ASXL2: variants seen among roughly 807,000 people sequenced by gnomAD.
ASXL2 encodes ASXL transcriptional regulator 2.
Under a neutral mutation model 122.0 loss-of-function variants are expected in ASXL2, and 23 were observed. The observed-to-expected ratio is 0.19, with a 90% CI of 0.14 to 0.27. The LOEUF (loss-of-function observed/expected upper bound fraction) is 0.27, where lower values mean the gene tolerates loss of function less well. Ranked by LOEUF, ASXL2 falls within the 10% of genes least tolerant of loss-of-function variation. The pLI, the probability that ASXL2 is intolerant of heterozygous loss-of-function variation, is 1.00. For synonymous variants in ASXL2, 650 were observed against 637.0 expected, an observed-to-expected ratio of 1.02 and a Z score of -0.31; for missense variants, 1,518 against 1,713.8, an observed-to-expected ratio of 0.89 and a Z score of 2.02.
In ASXL2 at chr2:25,878,178, C is replaced by T. The variant is rs1179292295; in HGVS notation, c.45G>A (p.Glu15=). 6.2e-7 allele frequency: 1 copy of T among 1,613,836 alleles called. No homozygotes were observed. The highest frequency in any genetic ancestry group is 1.1e-5 in the South Asian group (1 of 91,090). The change falls in exon 1 of 13, where the codon GAG becomes GAA. Residue 15 remains glutamate, a synonymous_variant. Transcript: ENST00000435504. ...CCCTCCCCCTTACCGTCTTGGCGGC[C>T]TCCGCCCAGGTCCTGCCCTTCTTCC... The part of the protein sequence containing the change: ...GRRKKGRTWA[E]AAKTVLEKYP...
chr2:25,809,243 G>A (rs2089129846), intron 3 of ASXL2, among the ~76,000 whole-genome samples: 1 of 151,424 alleles, frequency 6.6e-6, no homozygotes, highest in Non-Finnish European at 1.5e-5. Flanking sequence ...GGCAGAGTTG[G>A]GACAAAAATT....
chr2:25,786,563 T>C (rs1289083706), intron 5 of ASXL2, among the ~76,000 whole-genome samples: 1 of 151,920 alleles, frequency 6.6e-6, no homozygotes, highest in African/African-American at 2.4e-5. Flanking sequence ...AACATTATAA[T>C]ATTAAAAGGC....
At chr2:25,784,438 A>T (rs1454387982) in intron 5 of ASXL2, among the ~76,000 whole-genome samples, 1 of 152,198 alleles carries the variant, frequency 6.6e-6, no homozygotes, top group South Asian at 2.1e-4. Flanking sequence ...TACTGAATAC[A>T]TTGTATAATG....
At chr2:25,846,592 G>A (rs1433727289) in intron 1 of ASXL2, among the ~76,000 whole-genome samples, 1 of 152,000 alleles carries the variant, frequency 6.6e-6, no homozygotes, top group African/African-American at 2.4e-5. Context: ...AGGTTGCAGT[G>A]AGCTGGGATC....
chr2:25,815,826 G>A (rs993801082), intron 3 of ASXL2, among the ~76,000 whole-genome samples: 5 of 152,058 alleles, frequency 3.3e-5, no homozygotes, highest in Admixed American at 2.6e-4. Context: ...AGTTTACATC[G>A]TGTTTCCTGT....
intron 3 of ASXL2, chr2:25,822,503 G>A: frequency 4.1e-6 from 2 of 482,530 alleles, no homozygotes; most frequent in South Asian, 1.9e-5. Flanking sequence ...TACTATCGAA[G>A]GGACTATGTC....
intron 5 of ASXL2, among the ~76,000 whole-genome samples, chr2:25,781,186 C>T (rs777696843): frequency 6.6e-6 from 1 of 151,846 alleles, no homozygotes; most frequent in African/African-American, 2.4e-5. Flanking sequence ...GAAATGAATG[C>T]AATTTTATCT....
In ASXL2 at chr2:25,744,005, G is replaced by A. The variant is rs199523020; in HGVS notation, c.2332C>T (p.Pro778Ser). The change falls in exon 13 of 13, where the codon CCA (proline) becomes TCA (serine). Residue 778 changes from proline (P) to serine (S), a missense_variant. Pro to Ser is a moderately conservative substitution (Grantham distance 74). This residue lies in a region of ASXL2 where 831 missense variants were observed against 833.1 expected (regional missense o/e 1.00). Coordinates refer to ENST00000435504, the MANE Select transcript of ASXL2 (RefSeq NM_018263.6). The surrounding 1 kb of genome is among the most constrained non-coding windows in gnomAD (Gnocchi z 4.7). ...CTGACGGCAGGTGTTGGAGGCACTG[G>A]GGGGGTTTGCTGTAGTTGTGCTCCA... is the stretch of plus-strand genomic sequence containing the variant. ...VSGAQLQQTP[P>S]VPPTPAVSGA... The A allele has an allele frequency of 1.9e-6, 3 of 1,613,854 alleles. No homozygotes were observed. The highest frequency in any genetic ancestry group is 2.5e-6 in the Non-Finnish European group (3 of 1,179,878).
chr2:25,744,382 G>C lies in ASXL2; in HGVS notation c.1955C>G (p.Thr652Arg). 6 of 1,613,990 alleles carry C rather than the reference G, an allele frequency of 3.7e-6. No individual in the cohort carries two copies. The highest frequency in any genetic ancestry group is 5.1e-6 in the Non-Finnish European group (6 of 1,179,878). The change falls in exon 13 of 13, where the codon ACA becomes AGA. Residue 652 changes from threonine (T) to arginine (R), a missense_variant. Transcript: ENST00000435504. This position sits in a 1 kb window ranked among gnomAD's most constrained non-coding sequence, Gnocchi z 4.7. Reference sequence around the variant, plus strand: ...GATGTCTGCAAGAGTTCTGGCTCCTGTTCTGTTAGGACTAGTGATGGAGAC... The same window carrying C: ...GATGTCTGCAAGAGTTCTGGCTCCTCTTCTGTTAGGACTAGTGATGGAGAC... The part of the protein sequence containing the change: ...FPVSITSPNR[T>R]GARTLADIKA...
intron 4 of ASXL2, among the ~76,000 whole-genome samples, chr2:25,800,136 A>C (rs2088973639): frequency 6.6e-6 from 1 of 152,116 alleles, no homozygotes; most frequent in Non-Finnish European, 1.5e-5. Flanking sequence ...TCTACAAAAA[A>C]AAATACAAAA....
intron 8 of ASXL2, 53 bp from the exon 9 acceptor site, chr2:25,759,698 T>C (rs770740884): frequency 1.7e-5 from 26 of 1,561,772 alleles, no homozygotes; most frequent in Non-Finnish European, 2.1e-5. Context: ...CCTGTTTCTA[T>C]ATAAACTGTA....
rs756949965 is a variant in ASXL2 at position 25,738,826 on chromosome 2, G to A, written c.*3203C>T. ...TCCGTATGCCTTCACAGCCCAATAAGTATGCTCTCTCCACCCCAAGTTTCC... is the reference window on the plus strand; with the variant it reads ...TCCGTATGCCTTCACAGCCCAATAAATATGCTCTCTCCACCCCAAGTTTCC... On this transcript the variant is annotated 3_prime_UTR_variant, in exon 13 of 13. Transcript: ENST00000435504. 3 of 152,104 alleles carry A rather than the reference G, an allele frequency of 2.0e-5. No individual in the cohort carries two copies. The highest frequency in any genetic ancestry group is 2.9e-5 in the Non-Finnish European group (2 of 68,022). 9.4% of individuals were successfully genotyped at this position (152,104 alleles called of 1,614,324 possible).
chr2:25,830,553 G>A (rs2089437283), intron 3 of ASXL2, among the ~76,000 whole-genome samples: 1 of 151,276 alleles, frequency 6.6e-6, no homozygotes, highest in Non-Finnish European at 1.5e-5. Flanking sequence ...TTGAACCCAG[G>A]AAGTGGAGGA....
chr2:25,801,853 C>G (rs377526146), intron 4 of ASXL2, among the ~76,000 whole-genome samples: 1 of 152,302 alleles, frequency 6.6e-6, no homozygotes, highest in South Asian at 2.1e-4. Flanking sequence ...TTAAATCTAT[C>G]CTACTTGAGT....
intron 3 of ASXL2, among the ~76,000 whole-genome samples, chr2:25,813,619 GA>G (rs1275142562): frequency 6.6e-6 from 1 of 151,820 alleles, no homozygotes; most frequent in East Asian, 1.9e-4. Context: ...AAGTCAGAGA[GA>G]AAAAAAATCA....
intron 3 of ASXL2, among the ~76,000 whole-genome samples, chr2:25,809,346 C>G (rs1176791637): frequency 6.6e-6 from 1 of 150,536 alleles, no homozygotes; most frequent in Non-Finnish European, 1.5e-5. Flanking sequence ...AAGCTGAAAA[C>G]CTGAAAAGCA....
chr2:25,800,598 T>A (rs2088981618), intron 4 of ASXL2, among the ~76,000 whole-genome samples: 1 of 152,188 alleles, frequency 6.6e-6, no homozygotes, highest in Admixed American at 6.5e-5. Flanking sequence ...TCAGAAAGGA[T>A]AACTACGTCA....
rs558511198 is a variant in ASXL2, at chr2:25,839,755, T to C, written c.141-4215A>G. 8.6e-5 allele frequency among the ~76,000 whole-genome samples: 13 copies of C among 151,740 alleles called. No individual in the cohort carries two copies. In the South Asian group the frequency reaches 1.5e-3, roughly 17 times the overall value. ...CTCCTGCCTCAGCCTCCCAGCATAT[T>C]TGGGAGGCTGGAGTTTGAATCACCT... On this transcript the variant is annotated intron_variant, in intron 2 of 12. Coordinates refer to ENST00000435504, the MANE Select transcript of ASXL2 (RefSeq NM_018263.6).
intron 1 of ASXL2, among the ~76,000 whole-genome samples, chr2:25,872,407 A>T (rs2089969060): frequency 6.6e-6 from 1 of 152,104 alleles, no homozygotes. Flanking sequence ...ATTAAAACTT[A>T]AATAAATTCC....
Sources: gnomAD v4.1 joint callset for allele counts (sites outside exome capture counted in the v4.1 genomes callset) on GRCh38, gnomAD v4.1.1 for gene constraint, gnomAD v4.1.1 regional missense constraint, Gnocchi (gnomAD v3.1) non-coding constraint, MANE v1.5 for transcripts, NCBI Gene and HGNC (gene_info 2026-07-23, HGNC 2026-07-21) for gene names.